The following BMP6 variants were observed in gnomAD, a reference collection of about 807,000 sequenced individuals.
The protein encoded by BMP6 is VG-1-R.
Under a neutral mutation model 54.1 loss-of-function variants are expected in BMP6, and 17 were observed. The observed-to-expected ratio is 0.31, with a 90% CI of 0.22 to 0.47. The LOEUF is 0.47. Among genes scored for constraint, BMP6 ranks in the 20% least tolerant of loss-of-function variants. The pLI, the probability that BMP6 is intolerant of heterozygous loss-of-function variation, is 1.00. For missense variants in BMP6, 720 were observed against 690.4 expected, an observed-to-expected ratio of 1.04 and a Z score of -0.48; for synonymous variants, 328 against 291.2, an observed-to-expected ratio of 1.13 and a Z score of -1.28.
At chr6:7,823,949 T>C (rs1028167155) in intron 1 of BMP6, among the ~76,000 whole-genome samples, 2 of 152,168 alleles carry the variant, frequency 1.3e-5, no homozygotes, top group East Asian at 1.9e-4. Flanking sequence ...GGGAATGATA[T>C]CATCTGGTTT....
intron 1 of BMP6, among the ~76,000 whole-genome samples, chr6:7,750,474 G>A (rs573026349): frequency 6.6e-6 from 1 of 152,356 alleles, no homozygotes; most frequent in Non-Finnish European, 1.5e-5. Context: ...AAATTGTGCA[G>A]TGCAGTGTTT....
Position 7,835,377 on chromosome 6 carries a change from G to A in BMP6, c.665-9763G>A, listed in dbSNP as rs563586498. ...TCCGCCCAAAGTGCTGAGATTAGAG[G>A]CGTGAGCCACCGTGCCCGGCCAGGA... On this transcript the variant is annotated intron_variant, in intron 1 of 6. Transcript: ENST00000283147. Among the ~76,000 whole-genome samples the A allele has an allele frequency of 7.9e-5, 12 of 152,324 alleles. No individual in the cohort carries two copies. In the South Asian group the frequency reaches 2.5e-3, roughly 32 times the overall value.
At position 7,796,890 on chromosome 6, in the gene BMP6, A is replaced by G. The variant is rs1387248394; in HGVS notation, c.665-48250A>G. On this transcript the variant is annotated intron_variant, in intron 1 of 6. Coordinates refer to ENST00000283147, the MANE Select transcript of BMP6 (RefSeq NM_001718.6). ...TAATCATCTTATTCAAAGCTATTCA[A>G]ATCTTTCTGGATAATTCGTTCTGTT... Among the ~76,000 whole-genome samples, 6 of 152,322 alleles carry G rather than the reference A, an allele frequency of 3.9e-5. No homozygotes were observed. In the East Asian group the frequency reaches 1.2e-3, roughly 29 times the overall value.
At chr6:7,861,424 T>C (rs1561794485) in intron 2 of BMP6, 27 bp from the exon 3 acceptor site, 1 of 1,612,952 alleles carries the variant, frequency 6.2e-7, no homozygotes, top group Non-Finnish European at 8.5e-7. Flanking sequence ...GTGCGCTATT[T>C]ACCAGGCCAT....
At chr6:7,856,572 A>G (rs1037176895) in intron 2 of BMP6, among the ~76,000 whole-genome samples, 1 of 148,376 alleles carries the variant, frequency 6.7e-6, no homozygotes, top group Non-Finnish European at 1.5e-5. Flanking sequence ...CTTTGAATAT[A>G]TAAATGCCAG....
At chr6:7,733,216 A>G (rs925069987) in intron 1 of BMP6, among the ~76,000 whole-genome samples, 2 of 152,162 alleles carry the variant, frequency 1.3e-5, no homozygotes, top group Admixed American at 6.5e-5. Context: ...AGGAATGACT[A>G]TTGTTTAACT....
chr6:7,815,073 T>A (rs1561780805), intron 1 of BMP6, among the ~76,000 whole-genome samples: 1 of 152,224 alleles, frequency 6.6e-6, no homozygotes, highest in Non-Finnish European at 1.5e-5. Flanking sequence ...AGTTCCTAAA[T>A]CACCTCTTGT....
intron 1 of BMP6, among the ~76,000 whole-genome samples, chr6:7,741,965 G>A (rs1757273462): frequency 6.6e-6 from 1 of 152,116 alleles, no homozygotes; most frequent in Non-Finnish European, 1.5e-5. Context: ...TTCCTTCATC[G>A]ATACCCAATA....
At chr6:7,862,812 C>T (rs1186977854) in intron 4 of BMP6, among the ~76,000 whole-genome samples, 1 of 151,938 alleles carries the variant, frequency 6.6e-6, no homozygotes, top group Non-Finnish European at 1.5e-5. Flanking sequence ...ACCCTGGGAG[C>T]ACCTAGATTC....
At chr6:7,733,826 T>G (rs6900447) in intron 1 of BMP6, among the ~76,000 whole-genome samples, 1 of 152,126 alleles carries the variant, frequency 6.6e-6, no homozygotes. Flanking sequence ...CTGGAATATA[T>G]GAAAGTGGTG....
intron 2 of BMP6, among the ~76,000 whole-genome samples, chr6:7,859,619 C>A (rs1353136526): frequency 6.6e-5 from 10 of 152,260 alleles, no homozygotes; most frequent in African/African-American, 2.4e-4. Flanking sequence ...CCTCTTACAT[C>A]TGACTTCAAA....
At chr6:7,879,966 G>C (rs757984915) in intron 5 of BMP6, 25 bp from the exon 6 acceptor site, 3 of 1,601,448 alleles carry the variant, frequency 1.9e-6, no homozygotes, top group Admixed American at 1.7e-5. Flanking sequence ...CTCATCTTTT[G>C]TTGCTTCCTT....
rs1759044722 is a variant in BMP6, at chr6:7,845,314, T to C, written c.839T>C (p.Leu280Ser). The C allele has an allele frequency of 3.1e-6, 5 of 1,614,072 alleles. No individual in the cohort carries two copies. The South Asian group carries it at 3.3e-5, about 11-fold the overall frequency. The change falls in exon 2 of 7, where the codon TTA becomes TCA. Residue 280 changes from leucine (L) to serine (S), a missense_variant. Leu to Ser is a moderately radical substitution (Grantham distance 145). Around this residue, in one of 3 missense-constraint regions of BMP6, gnomAD observed 650 missense variants for 556.3 expected, o/e 1.17. Coordinates refer to ENST00000283147, the MANE Select transcript of BMP6 (RefSeq NM_001718.6). Reference sequence around the variant, plus strand: ...TTTCTTATCAGCATTTATCAAGTCTTACAGGAGCATCAGCACAGGTATGAA... The same window carrying C: ...TTTCTTATCAGCATTTATCAAGTCTCACAGGAGCATCAGCACAGGTATGAA... ...QTFLISIYQV[L>S]QEHQHRDSDL...
intron 1 of BMP6, among the ~76,000 whole-genome samples, chr6:7,837,406 C>T (rs181825541): frequency 4.1e-4 from 63 of 152,014 alleles, no homozygotes; most frequent in African/African-American, 1.4e-3. Context: ...CGTACAAATT[C>T]GGATGAAAAA....
At chr6:7,731,129 G>A (rs1050590158) in intron 1 of BMP6, among the ~76,000 whole-genome samples, 6 of 152,206 alleles carry the variant, frequency 3.9e-5, no homozygotes, top group Non-Finnish European at 5.9e-5. Context: ...GCTGGGATGT[G>A]TCACCTTCTA....
chr6:7,879,279 G>A (rs1411025355), intron 5 of BMP6, 129 bp downstream of exon 5: 15 of 972,490 alleles, frequency 1.5e-5, no homozygotes, highest in Non-Finnish European at 2.4e-5. Context: ...TGGAAGTCCT[G>A]AGGAGCCCTC....
At chr6:7,827,749 G>T (rs1758721433) in intron 1 of BMP6, among the ~76,000 whole-genome samples, 1 of 152,156 alleles carries the variant, frequency 6.6e-6, no homozygotes, top group Non-Finnish European at 1.5e-5. Context: ...AAAACCAAAT[G>T]AAAAATGCAA....
rs1761734113 is a variant in BMP6 at position 7,726,860 on chromosome 6, G to A, written c.-96G>A. 8.1e-6 allele frequency: 6 copies of A among 741,806 alleles called. No homozygotes were observed. Among genetic ancestry groups the A allele is most frequent in the Non-Finnish European group, 1.0e-5 (6 of 595,904 alleles). 46.0% of individuals were successfully genotyped at this position (741,806 alleles called of 1,614,324 possible). ...AGCGAGCCCGCCGAGAGGTGGCGGG[G>A]ACTGCTCACGCCAAGGGCCACAGCG... On this transcript the variant is annotated 5_prime_UTR_variant, in exon 1 of 7. Coordinates refer to ENST00000283147, the MANE Select transcript of BMP6 (RefSeq NM_001718.6).
intron 1 of BMP6, among the ~76,000 whole-genome samples, chr6:7,833,912 C>T: frequency 6.6e-6 from 1 of 152,156 alleles, no homozygotes; most frequent in East Asian, 1.9e-4. Context: ...ACGACAAGAT[C>T]CAGGATAAAC....
Sources: gnomAD v4.1 joint callset for allele counts (sites outside exome capture counted in the v4.1 genomes callset) on GRCh38, gnomAD v4.1.1 for gene constraint, gnomAD v4.1.1 regional missense constraint, MANE v1.5 for transcripts, NCBI Gene and HGNC (gene_info 2026-07-23, HGNC 2026-07-21) for gene names.